The following SYTL5 variants were observed in gnomAD, a reference collection of about 807,000 sequenced individuals.
SYTL5 encodes synaptotagmin like 5, also known as synaptotagmin-like protein 5.
Under a neutral mutation model 55.9 loss-of-function variants are expected in SYTL5, and 34 were observed. The observed-to-expected ratio is 0.61, with a 90% CI of 0.46 to 0.81. The LOEUF (loss-of-function observed/expected upper bound fraction) is 0.81, where lower values mean the gene tolerates loss of function less well. Among genes scored for constraint, SYTL5 ranks in the 30% least tolerant of loss-of-function variants. The pLI, the probability that SYTL5 is intolerant of heterozygous loss-of-function variation, is 0.00. For synonymous variants in SYTL5, 221 were observed against 188.7 expected (o/e 1.17, Z -1.40); for missense variants, 637 against 546.7 (o/e 1.17, Z -1.65).
At chrX:37,962,229 C>T in the SYTL5 span, among the ~76,000 whole-genome samples, 13 of 110,498 alleles carry the variant, frequency 1.2e-4, no homozygotes, top group East Asian at 2.0e-3. Context: ...CCCGCTCCCC[C>T]GACCCCACGA....
At chrX:38,123,759 AT>A (rs1449908097) in intron 15 of SYTL5, among the ~76,000 whole-genome samples, 2 of 111,924 alleles carry the variant, frequency 1.8e-5, no homozygotes, top group Admixed American at 1.9e-4. Context: ...AAAAGACAGT[AT>A]TTTTGTTCTA....
intron 13 of SYTL5, among the ~76,000 whole-genome samples, chrX:38,111,586 T>C (rs192392784): frequency 8.9e-6 from 1 of 112,279 alleles, no homozygotes; most frequent in Non-Finnish European, 1.9e-5. Context: ...TCTCTTCTTA[T>C]CTTCATTGGC....
chrX:38,090,438 A>T (rs1352855224), intron 7 of SYTL5, among the ~76,000 whole-genome samples: 1 of 112,126 alleles, frequency 8.9e-6, no homozygotes, highest in Admixed American at 9.5e-5. Flanking sequence ...AATATGAAAA[A>T]AGTATTTGGG....
At chrX:37,956,427 C>T in the SYTL5 span, among the ~76,000 whole-genome samples, 4 of 112,137 alleles carry the variant, frequency 3.6e-5, no homozygotes, top group East Asian at 1.1e-3. Context: ...AACTTTGTAC[C>T]GATTGAATAG....
chrX:37,969,247 G>T, the SYTL5 span, among the ~76,000 whole-genome samples: 4 of 111,158 alleles, frequency 3.6e-5, no homozygotes, highest in Non-Finnish European at 5.7e-5. Flanking sequence ...TCTAATGGGG[G>T]AAAAAAATCC....
intron 16 of SYTL5, 33 bp from the exon 17 acceptor site, chrX:38,126,555 G>A (rs1168114705): frequency 1.7e-6 from 2 of 1,205,365 alleles, no homozygotes; most frequent in Non-Finnish European, 2.2e-6. Context: ...CATTTCATGT[G>A]TGACATAAAA....
At chrX:37,931,724 G>A in the SYTL5 span, among the ~76,000 whole-genome samples, 2 of 111,818 alleles carry the variant, frequency 1.8e-5, no homozygotes, top group Non-Finnish European at 3.8e-5. Context: ...TTAGGTCATG[G>A]CTTTGAAATA....
intron 12 of SYTL5, among the ~76,000 whole-genome samples, chrX:38,109,296 C>T (rs980879122): frequency 8.9e-6 from 1 of 111,822 alleles, no homozygotes; most frequent in Non-Finnish European, 1.9e-5. Context: ...AACCCCTTCT[C>T]TTGCTATGGA....
At chrX:38,084,144 G>A (rs1936613126) in intron 6 of SYTL5, among the ~76,000 whole-genome samples, 1 of 111,540 alleles carries the variant, frequency 9.0e-6, no homozygotes, top group African/African-American at 3.3e-5. Context: ...TTACATGGTT[G>A]TCAATCATGC....
At chrX:38,029,922 C>T (rs1452216860) in intron 1 of SYTL5, among the ~76,000 whole-genome samples, 2 of 111,400 alleles carry the variant, frequency 1.8e-5, no homozygotes, top group Non-Finnish European at 3.8e-5. Context: ...TTTCATTTGC[C>T]AGTTTCTAAG....
At chrX:38,093,118 T>C (rs1936840998) in intron 7 of SYTL5, among the ~76,000 whole-genome samples, 2 of 112,132 alleles carry the variant, frequency 1.8e-5, no homozygotes, top group Admixed American at 1.9e-4. Context: ...ACTTTTCTTG[T>C]TTATGGCAAT....
chrX:37,889,648 CTAA>C, the SYTL5 span, among the ~76,000 whole-genome samples: 1 of 110,695 alleles, frequency 9.0e-6, no homozygotes, highest in Non-Finnish European at 1.9e-5. Context: ...TAAAATTTAC[CTAA>C]TAATAGCCCA....
chrX:37,959,636 T>C, the SYTL5 span, among the ~76,000 whole-genome samples: 184 of 112,089 alleles, frequency 1.6e-3, 1 homozygote, highest in Non-Finnish European at 2.8e-3. Context: ...AATTCTCTAA[T>C]GTAAGAACCG....
Position 38,089,564 on chromosome X carries a change from A to T in SYTL5, c.808A>T (p.Thr270Ser). The change falls in exon 7 of 17, where the codon ACT (threonine) becomes TCT (serine). Residue 270 changes from threonine to serine, a missense_variant. Coordinates refer to ENST00000297875, the MANE Select transcript of SYTL5 (RefSeq NM_138780.3). ...GAGTTCACCAGCCCCAAGCACACGA[A>T]CTGTGACCTCAGTCATCAGTAGAGT... is the stretch of plus-strand genomic sequence containing the variant. ...TQSSPAPSTRTVTSVISREYG... is the reference protein window; with the variant it reads ...TQSSPAPSTRSVTSVISREYG... 2 of 1,210,609 alleles carry T rather than the reference A, an allele frequency of 1.7e-6. No individual in the cohort carries two copies. The highest frequency in any genetic ancestry group is 3.5e-5 in the African/African-American group (2 of 57,734).
chrX:38,075,031 A>T (rs1936356046), intron 5 of SYTL5, among the ~76,000 whole-genome samples: 1 of 111,352 alleles, frequency 9.0e-6, no homozygotes, highest in East Asian at 2.8e-4. Flanking sequence ...CATCAAAAAC[A>T]ATCAGTGGCT....
chrX:38,077,181 T>G (rs1936413575), intron 6 of SYTL5, among the ~76,000 whole-genome samples: 1 of 111,594 alleles, frequency 9.0e-6, no homozygotes, highest in African/African-American at 3.3e-5. Flanking sequence ...GTGGAGCCAA[T>G]TGAGAATGTC....
chrX:37,976,598 T>G, the SYTL5 span, among the ~76,000 whole-genome samples: 4 of 111,440 alleles, frequency 3.6e-5, no homozygotes, highest in African/African-American at 1.3e-4. Context: ...GTAGCTAGAT[T>G]TTAAATATTT....
intron 7 of SYTL5, 143 bp downstream of exon 7, chrX:38,089,730 C>T (rs1209166511): frequency 9.4e-6 from 6 of 638,012 alleles, no homozygotes; most frequent in Non-Finnish European, 1.4e-5. Flanking sequence ...AGGAAACTTA[C>T]AATCATGGCA....
At chrX:38,084,100 G>T (rs1395729173) in intron 6 of SYTL5, among the ~76,000 whole-genome samples, 2 of 111,100 alleles carry the variant, frequency 1.8e-5, no homozygotes, top group African/African-American at 6.5e-5. Flanking sequence ...GCCTTGCTAG[G>T]TTTAGATCAT....
Sources: gnomAD v4.1 joint callset for allele counts (sites outside exome capture counted in the v4.1 genomes callset) on GRCh38, gnomAD v4.1.1 for gene constraint, MANE v1.5 for transcripts, NCBI Gene and HGNC (gene_info 2026-07-23, HGNC 2026-07-21) for gene names.